Variants in EIF2AK2 observed in about 807,000 individuals in gnomAD.
EIF2AK2 encodes eukaryotic translation initiation factor 2 alpha kinase 2.
A neutral mutation model predicts 70.5 loss-of-function variants in EIF2AK2; 40 were observed. The ratio of observed to expected loss-of-function variants is 0.57; its 90% CI spans 0.44 to 0.74. The LOEUF (loss-of-function observed/expected upper bound fraction) is 0.74, where lower values mean the gene tolerates loss of function less well. Ranked by LOEUF, EIF2AK2 falls within the 30% of genes least tolerant of loss-of-function variation. The pLI is 0.00. For missense variants in EIF2AK2, 555 were observed against 644.3 expected (o/e 0.86, Z 1.50); for synonymous variants, 198 against 220.9 (o/e 0.90, Z 0.92).
chr2:37,128,663 A>G (rs1394109735), intron 10 of EIF2AK2, among the ~76,000 whole-genome samples: 1 of 152,210 alleles, frequency 6.6e-6, no homozygotes, highest in African/African-American at 2.4e-5. Flanking sequence ...TCACAGTTCC[A>G]TCTTTGACAG....
rs374600186 is a variant in EIF2AK2, at chr2:37,107,559, A to C, written c.1480-32T>G. ...AAAAAAATGATAGGTGTATATTAGG[A>C]AATTATTTACTTGGGAGGAAAGACA... On this transcript the variant is annotated intron_variant, in intron 15 of 16. Coordinates refer to ENST00000233057, the MANE Select transcript of EIF2AK2 (RefSeq NM_001135651.3). The C allele has an allele frequency of 2.3e-4, 371 of 1,588,580 alleles. 2 individuals are homozygous for C. The highest frequency in any genetic ancestry group is 9.6e-4 in the South Asian group (84 of 87,768).
chr2:37,126,233 T>C (rs1674722948), intron 11 of EIF2AK2, 56 bp downstream of exon 11: 1 of 1,506,978 alleles, frequency 6.6e-7, no homozygotes, highest in African/African-American at 1.4e-5. Context: ...TAAAAAAGAA[T>C]AGTGCAGATT....
At chr2:37,148,536 G>T (rs1675635349) in intron 2 of EIF2AK2, 1 of 691,724 alleles carries the variant, frequency 1.4e-6, no homozygotes, top group South Asian at 1.5e-5. Context: ...AACAATGATG[G>T]ATCGATAGTT....
At chr2:37,135,596 A>G (rs1475704136) in intron 9 of EIF2AK2, 50 bp from the exon 10 acceptor site, 5 of 1,506,624 alleles carry the variant, frequency 3.3e-6, no homozygotes, top group African/African-American at 1.4e-5. Flanking sequence ...GAAATCAAAT[A>G]TAACTTATTT....
At chr2:37,128,278 T>A (rs1358325047) in intron 10 of EIF2AK2, among the ~76,000 whole-genome samples, 1 of 152,224 alleles carries the variant, frequency 6.6e-6, no homozygotes, top group Non-Finnish European at 1.5e-5. Context: ...TCCAAACATA[T>A]TGTCTACAGC....
At chr2:37,117,001 C>T (rs1674366324) in intron 13 of EIF2AK2, among the ~76,000 whole-genome samples, 2 of 152,026 alleles carry the variant, frequency 1.3e-5, no homozygotes, top group Admixed American at 6.6e-5. Flanking sequence ...AGCGTGGGCC[C>T]ATCAGTCCAA....
chr2:37,137,093 G>A, intron 8 of EIF2AK2, 76 bp from the exon 9 acceptor site: 4 of 1,323,406 alleles, frequency 3.0e-6, no homozygotes, highest in South Asian at 2.8e-5. Flanking sequence ...CCTTCCTCCT[G>A]TATATCTAGA....
chr2:37,148,927 C>A lies in EIF2AK2; in HGVS notation c.-87G>T, dbSNP rs72860793. Reference sequence around the variant, plus strand: ...TGTGGATGTTGATTCTGAAGACCGCCAGAGAAGCAAACCTGAGTCAGATGG... The same window carrying A: ...TGTGGATGTTGATTCTGAAGACCGCAAGAGAAGCAAACCTGAGTCAGATGG... On this transcript the variant is annotated 5_prime_UTR_variant, in exon 2 of 17. Coordinates refer to ENST00000233057, the MANE Select transcript of EIF2AK2 (RefSeq NM_001135651.3). 517 of 820,550 alleles carry A rather than the reference C, an allele frequency of 6.3e-4. 1 individual carries two copies. The African/African-American group carries it at 7.5e-3, about 12-fold the overall frequency. 50.8% of individuals were successfully genotyped at this position (820,550 alleles called of 1,614,324 possible). A position where few individuals can be genotyped will look rare whatever the true frequency, so the allele number is the denominator to read the frequency against.
In EIF2AK2 at chr2:37,122,398, T is replaced by C. The variant is rs1319023603; in HGVS notation, c.1067+108A>G. ...AGATAACAGTGTCTCTCAGAGGGAATTGTGATAATTAATCGTGATGATTAA... is the reference window on the plus strand; with the variant it reads ...AGATAACAGTGTCTCTCAGAGGGAACTGTGATAATTAATCGTGATGATTAA... On this transcript the variant is annotated intron_variant, in intron 12 of 16. Transcript: ENST00000233057. The C allele has an allele frequency of 1.0e-5, 12 of 1,190,736 alleles. No homozygotes were observed. In the East Asian group the frequency reaches 1.5e-4, roughly 15 times the overall value. The allele number at this position is 1,190,736 out of a possible 1,614,324, so 73.8% of individuals were successfully genotyped here.
At chr2:37,131,138 A>G (rs1329691822) in intron 10 of EIF2AK2, among the ~76,000 whole-genome samples, 3 of 152,200 alleles carry the variant, frequency 2.0e-5, no homozygotes, top group Non-Finnish European at 4.4e-5. Context: ...CACAAGAGGA[A>G]ATCTTGATCA....
chr2:37,142,120 C>T (rs1038866417), intron 4 of EIF2AK2, among the ~76,000 whole-genome samples: 5 of 125,600 alleles, frequency 4.0e-5, no homozygotes, highest in African/African-American at 1.3e-4. Context: ...AAATCTTGTC[C>T]AAAGTTTTGA....
At chr2:37,126,141 G>T in intron 11 of EIF2AK2, 148 bp downstream of exon 11, 1 of 1,079,212 alleles carries the variant, frequency 9.3e-7, no homozygotes, top group Non-Finnish European at 1.3e-6. Context: ...CTCGGAGTAA[G>T]CCAAACTCCT....
At chr2:37,146,321 T>C (rs756484858) in intron 4 of EIF2AK2, among the ~76,000 whole-genome samples, 2 of 152,216 alleles carry the variant, frequency 1.3e-5, no homozygotes, top group Non-Finnish European at 2.9e-5. Flanking sequence ...TTCTCCTTGT[T>C]AAGCAATGCA....
chr2:37,141,289 G>A (rs1034540447), intron 5 of EIF2AK2, among the ~76,000 whole-genome samples: 2 of 152,114 alleles, frequency 1.3e-5, no homozygotes, highest in Admixed American at 1.3e-4. Flanking sequence ...ACTCTCTTGG[G>A]TGTTCCACAG....
intron 10 of EIF2AK2, among the ~76,000 whole-genome samples, chr2:37,128,351 T>C (rs1674817365): frequency 6.6e-6 from 1 of 152,174 alleles, no homozygotes; most frequent in African/African-American, 2.4e-5. Flanking sequence ...CAGATACAAG[T>C]GGATCAATTC....
intron 10 of EIF2AK2, 126 bp from the exon 11 acceptor site, chr2:37,126,537 C>G (rs1674736647): frequency 2.2e-6 from 3 of 1,383,202 alleles, no homozygotes; most frequent in Admixed American, 5.5e-5. Flanking sequence ...TTCTCTCCTT[C>G]TGAATAAGAA....
At chr2:37,148,817 G>T in intron 2 of EIF2AK2, 40 bp downstream of exon 2, 1 of 829,832 alleles carries the variant, frequency 1.2e-6, no homozygotes, top group Non-Finnish European at 2.1e-6. Context: ...CTTAGATGAT[G>T]CCACTTTTCT....
intron 1 of EIF2AK2, chr2:37,149,421 G>T: frequency 2.1e-6 from 1 of 469,914 alleles, no homozygotes; most frequent in Non-Finnish European, 3.8e-6. Context: ...ACCTCAATGT[G>T]CACGAATTTT....
intron 9 of EIF2AK2, among the ~76,000 whole-genome samples, chr2:37,136,419 C>A (rs933785644): frequency 6.6e-6 from 1 of 152,206 alleles, no homozygotes; most frequent in Admixed American, 6.5e-5. Context: ...CCACAGTAAT[C>A]GTGGCTGAGG....
Sources: allele counts gnomAD v4.1 joint callset (sites outside exome capture counted in the v4.1 genomes callset), GRCh38; gene constraint gnomAD v4.1.1; transcripts MANE v1.5; gene names NCBI Gene and HGNC (gene_info 2026-07-23, HGNC 2026-07-21).